The following SMC3 variants were observed in gnomAD, a reference collection of about 807,000 sequenced individuals.
SMC3 encodes structural maintenance of chromosomes protein 3.
A neutral mutation model predicts 171.8 loss-of-function variants in SMC3; 20 were observed. That is an observed-to-expected ratio of 0.12 (90% CI 0.08 to 0.17). The LOEUF (loss-of-function observed/expected upper bound fraction) is 0.17. SMC3 is among the 10% of genes least tolerant of loss of function. The pLI is 1.00. For synonymous variants in SMC3, 464 were observed against 451.1 expected (o/e 1.03, Z -0.36); for missense variants, 543 against 1,420.4 (o/e 0.38, Z 9.93).
chr10:110,598,421 T>G, intron 20 of SMC3, 131 bp downstream of exon 20: 2 of 954,396 alleles, frequency 2.1e-6, no homozygotes, highest in Non-Finnish European at 3.2e-6. Context: ...TTTTTTTTTT[T>G]GAAGACAGAG....
chr10:110,587,701 A>C (rs1479250524), intron 13 of SMC3, among the ~76,000 whole-genome samples: 1 of 151,934 alleles, frequency 6.6e-6, no homozygotes, highest in Non-Finnish European at 1.5e-5. Flanking sequence ...AAAAAAAAAA[A>C]AAAAAGAAAT....
At chr10:110,599,951 GGA>G in intron 21 of SMC3, 139 bp downstream of exon 21, 1 of 799,630 alleles carries the variant, frequency 1.3e-6, no homozygotes, top group Non-Finnish European at 2.1e-6. Context: ...AATATACATA[GGA>G]GTAAATAAGA....
chr10:110,604,117 A>G, intron 28 of SMC3, 114 bp from the exon 29 acceptor site: 2 of 519,074 alleles, frequency 3.9e-6, no homozygotes, highest in East Asian at 4.2e-5. Context: ...AAAAAAAAAA[A>G]CTAAAAATTA....
intron 18 of SMC3, among the ~76,000 whole-genome samples, chr10:110,594,746 G>T (rs538015092): frequency 1.6e-4 from 24 of 151,786 alleles, no homozygotes; most frequent in African/African-American, 5.8e-4. Context: ...TGTACGTTTT[G>T]TTGTGGTTGT....
intron 8 of SMC3, among the ~76,000 whole-genome samples, chr10:110,581,468 C>T (rs1250136663): frequency 6.6e-6 from 1 of 152,084 alleles, no homozygotes; most frequent in African/African-American, 2.4e-5. Context: ...ATCCACCTGC[C>T]TTGGCCTCTC....
chr10:110,584,059 C>T, intron 12 of SMC3, 97 bp downstream of exon 12: 1 of 1,531,862 alleles, frequency 6.5e-7, no homozygotes, highest in Non-Finnish European at 9.0e-7. Flanking sequence ...GCTTTTTACA[C>T]TTAATTCTTT....
chr10:110,590,085 G>A, intron 15 of SMC3, 94 bp downstream of exon 15: 1 of 1,046,276 alleles, frequency 9.6e-7, no homozygotes, highest in Non-Finnish European at 1.5e-6. Context: ...TAGGTCATGG[G>A]TTCCAAGTGA....
At chr10:110,589,757 C>CT in intron 14 of SMC3, 49 bp downstream of exon 14, 1 of 1,420,030 alleles carries the variant, frequency 7.0e-7, no homozygotes, top group South Asian at 1.2e-5. Flanking sequence ...ATGTTCGTTA[C>CT]TAGCTGTTAT....
At position 110,582,210 on chromosome 10, in the gene SMC3, A is replaced by T. The variant is rs1276195967; in HGVS notation, c.723+112A>T. 6 of 1,007,596 alleles carry T rather than the reference A, an allele frequency of 6.0e-6. No homozygotes were observed. The African/African-American group carries it at 8.1e-5, about 14-fold the overall frequency. 62.4% of individuals were successfully genotyped at this position (1,007,596 alleles called of 1,614,324 possible). ...TGATTTTAAATAGAAACTTAAAAAAAACCTCTCAATGAATTTATTAGTCAG... is the reference window on the plus strand; with the variant it reads ...TGATTTTAAATAGAAACTTAAAAAATACCTCTCAATGAATTTATTAGTCAG... On this transcript the variant is annotated intron_variant, in intron 9 of 28. Coordinates refer to ENST00000361804, the MANE Select transcript of SMC3 (RefSeq NM_005445.4).
intron 19 of SMC3, among the ~76,000 whole-genome samples, chr10:110,597,792 G>GTAT (rs1861324180): frequency 1.3e-5 from 2 of 152,206 alleles, no homozygotes; most frequent in Non-Finnish European, 2.9e-5. Context: ...CTTAAGCATA[G>GTAT]TAACAGTAAA....
At chr10:110,577,662 CTG>C (rs1475357709) in intron 5 of SMC3, among the ~76,000 whole-genome samples, 170 bp downstream of exon 5, 19 of 152,202 alleles carry the variant, frequency 1.2e-4, no homozygotes, top group African/African-American at 3.4e-4. Flanking sequence ...AATGTACAAA[CTG>C]TTGTGAAAAG....
chr10:110,585,866 C>T (rs979182987), intron 13 of SMC3, among the ~76,000 whole-genome samples: 1 of 151,918 alleles, frequency 6.6e-6, no homozygotes, highest in Non-Finnish European at 1.5e-5. Flanking sequence ...GGCGCGATCT[C>T]GGCTCACTGC....
intron 8 of SMC3, among the ~76,000 whole-genome samples, chr10:110,581,586 A>C (rs1861030616): frequency 6.6e-6 from 1 of 152,176 alleles, no homozygotes. Flanking sequence ...AACCAGTGTC[A>C]CCATGTGTAA....
rs145040301 is a variant in SMC3, at chr10:110,571,313, A to G, written c.91+2300A>G. Among the ~76,000 whole-genome samples, 504 of 152,328 alleles carry G rather than the reference A, an allele frequency of 3.3e-3. 3 individuals are homozygous for G. Among genetic ancestry groups the G allele is most frequent in the African/African-American group, 0.011 (469 of 41,570 alleles). On this transcript the variant is annotated intron_variant, in intron 2 of 28. Coordinates refer to ENST00000361804, the MANE Select transcript of SMC3 (RefSeq NM_005445.4). ...AGGTGCAGTTTGAGGGCAAGAATGA[A>G]GAGAAAAGCTGGTCATAGATTTCTA...
At position 110,600,557 on chromosome 10, in the gene SMC3, G is replaced by GTTT. The variant is rs397847637; in HGVS notation, c.2535+26_2535+28dup. Reference sequence around the variant, plus strand: ...GACCAAGTAGAACAGGTGTGTATGTGTTTTTTTTTTTTTTTTTAAGGGCTC... The same window carrying GTTT: ...GACCAAGTAGAACAGGTGTGTATGTGTTTTTTTTTTTTTTTTTTTTAAGGGCTC... On this transcript the variant is annotated intron_variant, in intron 22 of 28. Transcript: ENST00000361804. 4.5e-4 allele frequency: 440 copies of GTTT among 976,034 alleles called. No homozygotes were observed. The highest frequency in any genetic ancestry group is 7.1e-4 in the South Asian group (52 of 73,088). 60.5% of individuals were successfully genotyped at this position (976,034 alleles called of 1,614,324 possible). A position where few individuals can be genotyped will look rare whatever the true frequency, so the allele number is the denominator to read the frequency against.
In SMC3 at chr10:110,600,433, T is replaced by A. The variant is rs562891901; in HGVS notation, c.2428-6T>A. ...GCTTATATAGACAACTTTTTCTTAA[T>A]TCTAGGAAAACAGACAGTTGCTAAA... On this transcript the variant is annotated splice_region_variant and splice_polypyrimidine_tract_variant and intron_variant, in intron 21 of 28. Transcript: ENST00000361804. The A allele has an allele frequency of 7.6e-6, 11 of 1,446,428 alleles. No individual in the cohort carries two copies. The African/African-American group carries it at 1.4e-4, about 18-fold the overall frequency. 89.6% of individuals were successfully genotyped at this position (1,446,428 alleles called of 1,614,324 possible).
chr10:110,583,372 A>G lies in SMC3; in HGVS notation c.805-12A>G. Reference sequence around the variant, plus strand: ...CTAATTGCCTTATTTTCTGTTTAATACTTTTGAATAGGATATCGAACGCCA... The same window carrying G: ...CTAATTGCCTTATTTTCTGTTTAATGCTTTTGAATAGGATATCGAACGCCA... On this transcript the variant is annotated splice_polypyrimidine_tract_variant and intron_variant, in intron 10 of 28. Transcript: ENST00000361804. The G allele has an allele frequency of 6.2e-7, 1 of 1,608,718 alleles. No homozygotes were observed. The highest frequency in any genetic ancestry group is 8.5e-7 in the Non-Finnish European group (1 of 1,176,196).
At chr10:110,571,525 G>C (rs934323191) in intron 2 of SMC3, among the ~76,000 whole-genome samples, 1 of 152,192 alleles carries the variant, frequency 6.6e-6, no homozygotes, top group Non-Finnish European at 1.5e-5. Context: ...CTTTTGGATT[G>C]TGGTGCTCTG....
Position 110,605,246 on chromosome 10 carries a change from A to T in SMC3, c.*944A>T, listed in dbSNP as rs61861701. ...TTACATTTTTTTCCCTTTCCATACTACTCTTTTCTTTGAAAGTAGGTCTTT... is the reference window on the plus strand; with the variant it reads ...TTACATTTTTTTCCCTTTCCATACTTCTCTTTTCTTTGAAAGTAGGTCTTT... On this transcript the variant is annotated 3_prime_UTR_variant, in exon 29 of 29. Coordinates refer to ENST00000361804, the MANE Select transcript of SMC3 (RefSeq NM_005445.4). Among the ~76,000 whole-genome samples the T allele has an allele frequency of 2.0e-5, 3 of 151,354 alleles. No individual in the cohort carries two copies. Among genetic ancestry groups the T allele is most frequent in the African/African-American group, 7.3e-5 (3 of 41,120 alleles).
Sources: allele counts gnomAD v4.1 joint callset (sites outside exome capture counted in the v4.1 genomes callset), GRCh38; gene constraint gnomAD v4.1.1; transcripts MANE v1.5; gene names NCBI Gene and HGNC (gene_info 2026-07-23, HGNC 2026-07-21).